Variants in LRTM3 observed in about 807,000 individuals in gnomAD.
LRTM3 encodes leucine-rich repeat transmembrane protein 3.
At chr13:102,744,043 T>C in the LRTM3 span, 1 of 1,550,562 alleles carries the variant, frequency 6.4e-7, no homozygotes, top group Non-Finnish European at 8.7e-7. Flanking sequence ...CAATCATTGA[T>C]TTGGATGTTG....
At chr13:102,731,751 T>G in the LRTM3 span, 1 of 1,551,322 alleles carries the variant, frequency 6.4e-7, no homozygotes, top group South Asian at 1.2e-5. Context: ...ATGGGCACAG[T>G]TCCTGGGAAA....
chr13:102,729,417 C>T, the LRTM3 span: 1 of 1,391,540 alleles, frequency 7.2e-7, no homozygotes, highest in Non-Finnish European at 9.4e-7. Flanking sequence ...TAGCGACCAG[C>T]TGTCCACTTC....
At chr13:102,750,333 C>A in the LRTM3 span, 2 of 1,542,528 alleles carry the variant, frequency 1.3e-6, no homozygotes, top group South Asian at 1.2e-5. Flanking sequence ...AAGTTACATT[C>A]CTTTTCTTCA....
the LRTM3 span, chr13:102,743,409 C>T: frequency 3.9e-6 from 6 of 1,550,536 alleles, no homozygotes; most frequent in Non-Finnish European, 5.2e-6. Flanking sequence ...TGCCACATTG[C>T]TTTCAGTTTG....
the LRTM3 span, chr13:102,731,705 A>G: frequency 6.4e-7 from 1 of 1,551,284 alleles, no homozygotes; most frequent in East Asian, 2.4e-5. Flanking sequence ...ACTGTCTGCA[A>G]CTATTTTGAC....
the LRTM3 span, chr13:102,745,345 G>T: frequency 6.4e-7 from 1 of 1,550,562 alleles, no homozygotes; most frequent in South Asian, 1.2e-5. Flanking sequence ...GAGTAGAACT[G>T]AGTCTTTTTT....
chr13:102,750,031 G>C, the LRTM3 span: 1 of 1,549,954 alleles, frequency 6.5e-7, no homozygotes, highest in Non-Finnish European at 8.7e-7. Context: ...TTTCTACAGT[G>C]AATCTAGATG....
chr13:102,729,465 C>T, the LRTM3 span: 427 of 1,450,754 alleles, frequency 2.9e-4, 4 homozygotes, highest in South Asian at 4.5e-3. Flanking sequence ...CTATGAAAAA[C>T]GGTAGTAAGG....
chr13:102,752,564 G>A, the LRTM3 span, among the ~76,000 whole-genome samples: 1 of 152,090 alleles, frequency 6.6e-6, no homozygotes, highest in Non-Finnish European at 1.5e-5. Context: ...GGTATTTTAG[G>A]CTACACTAAT....
chr13:102,748,448 T>C, the LRTM3 span: 25 of 1,551,246 alleles, frequency 1.6e-5, no homozygotes, highest in Non-Finnish European at 2.2e-5. Context: ...TTTCTGTGTA[T>C]TTTCCCTTGG....
the LRTM3 span, chr13:102,740,558 T>G: frequency 6.5e-7 from 1 of 1,549,394 alleles, no homozygotes; most frequent in Non-Finnish European, 8.7e-7. Flanking sequence ...TTGTCTTTTT[T>G]TACTGTTTTG....
At chr13:102,735,184 A>G in the LRTM3 span, 2 of 1,551,324 alleles carry the variant, frequency 1.3e-6, no homozygotes, top group Middle Eastern at 1.7e-4. Context: ...AACTGTGCGT[A>G]TGTAAGACAG....
At chr13:102,746,709 C>G in the LRTM3 span, 1 of 1,550,966 alleles carries the variant, frequency 6.4e-7, no homozygotes, top group African/African-American at 1.4e-5. Context: ...GGCGAAGTTG[C>G]TGGTAAATCT....
the LRTM3 span, chr13:102,736,773 C>T: frequency 6.4e-7 from 1 of 1,550,950 alleles, no homozygotes; most frequent in Non-Finnish European, 8.7e-7. Flanking sequence ...ACACTTTTCT[C>T]TGAAATATTT....
chr13:102,739,088 A>C, the LRTM3 span: 1 of 1,550,452 alleles, frequency 6.4e-7, no homozygotes, highest in Non-Finnish European at 8.7e-7. Context: ...TACCTCTTTT[A>C]TTCTAGGATT....
the LRTM3 span, chr13:102,744,671 G>A: frequency 6.4e-7 from 1 of 1,550,704 alleles, no homozygotes; most frequent in East Asian, 2.4e-5. Context: ...CATTTGATGT[G>A]TACTGAAACG....
the LRTM3 span, chr13:102,744,622 C>T: frequency 6.4e-7 from 1 of 1,550,770 alleles, no homozygotes; most frequent in Admixed American, 2.0e-5. Context: ...CTTCGGGACT[C>T]TTCGGTTCAG....
At chr13:102,732,526 A>G in the LRTM3 span, 1 of 1,551,208 alleles carries the variant, frequency 6.4e-7, no homozygotes, top group African/African-American at 1.4e-5. Flanking sequence ...CATTTCTTTG[A>G]AATAATTTTT....
chr13:102,735,066 GT>G, the LRTM3 span: 7 of 1,551,222 alleles, frequency 4.5e-6, no homozygotes, highest in Middle Eastern at 1.7e-4. Context: ...TTAAGGTGAA[GT>G]GGGGAGGATC....
Sources: allele counts gnomAD v4.1 joint callset (sites outside exome capture counted in the v4.1 genomes callset), GRCh38; gene constraint gnomAD v4.1.1; transcripts MANE v1.5; gene names NCBI Gene and HGNC (gene_info 2026-07-23, HGNC 2026-07-21).